Variants in KCTD3 observed in about 807,000 individuals in gnomAD.
KCTD3 encodes potassium channel tetramerization domain containing 3.
KCTD3 carries 41 observed loss-of-function variants against 85.8 expected under a neutral mutation model. The ratio of observed to expected loss-of-function variants is 0.48; its 90% CI spans 0.37 to 0.62. KCTD3 has a LOEUF of 0.62. Among genes scored for constraint, KCTD3 ranks in the 20% least tolerant of loss-of-function variants. KCTD3 has a pLI of 0.00. For missense variants in KCTD3, 724 were observed against 989.9 expected, an observed-to-expected ratio of 0.73 and a Z score of 3.60; for synonymous variants, 338 against 345.4, an observed-to-expected ratio of 0.98 and a Z score of 0.24.
Position 215,620,843 on chromosome 1 carries a change from T to C in KCTD3, c.*225T>C, listed in dbSNP as rs559670876. ...ACAAGTACATTTAACAGATCATTTA[T>C]AAAGCAGGAGTCCATTTTAACACTT... On this transcript the variant is annotated 3_prime_UTR_variant, in exon 18 of 18. Transcript: ENST00000259154. 18 of 469,120 alleles carry C rather than the reference T, an allele frequency of 3.8e-5. No individual in the cohort carries two copies. The South Asian group carries it at 9.1e-4, about 24-fold the overall frequency. 29.1% of individuals were successfully genotyped at this position (469,120 alleles called of 1,614,324 possible).
At chr1:215,618,689 A>G (rs1655548612) in intron 15 of KCTD3, 197 bp from the exon 16 acceptor site, 2 of 498,672 alleles carry the variant, frequency 4.0e-6, no homozygotes, top group Non-Finnish European at 3.5e-6. Flanking sequence ...TGGATACAAT[A>G]TGGGCCATCT....
At chr1:215,609,482 T>C (rs1374698286) in intron 14 of KCTD3, among the ~76,000 whole-genome samples, 1 of 151,986 alleles carries the variant, frequency 6.6e-6, no homozygotes, top group Admixed American at 6.6e-5. Context: ...ATTTAGATTT[T>C]ATCTTGTAAG....
Position 215,620,804 on chromosome 1 carries a change from A to T in KCTD3, c.*186A>T, listed in dbSNP as rs1450901139. 3 of 508,706 alleles carry T rather than the reference A, an allele frequency of 5.9e-6. No individual in the cohort carries two copies. The highest frequency in any genetic ancestry group is 3.1e-5 in the East Asian group (1 of 31,868). 31.5% of individuals were successfully genotyped at this position (508,706 alleles called of 1,614,324 possible). A position where few individuals can be genotyped will look rare whatever the true frequency, so the allele number is the denominator to read the frequency against. ...TCATATCTCTTTTGACATTTTGGAA[A>T]TTTTTTTAATTTTACAAGTACATTT... is the stretch of plus-strand genomic sequence containing the variant. On this transcript the variant is annotated 3_prime_UTR_variant, in exon 18 of 18. Transcript: ENST00000259154.
In KCTD3 at chr1:215,575,789, A is replaced by C. The variant is rs1659551789; in HGVS notation, c.184-112A>C. The C allele has an allele frequency of 5.0e-6, 3 of 601,762 alleles. No individual in the cohort carries two copies. The Admixed American group carries it at 1.1e-4, about 22-fold the overall frequency. 37.3% of individuals were successfully genotyped at this position (601,762 alleles called of 1,614,324 possible). ...AACATTAAAGTTTAAGAGTGGAAACAAGGAAATGTAGTATTTAAGTAATTA... is the reference window on the plus strand; with the variant it reads ...AACATTAAAGTTTAAGAGTGGAAACCAGGAAATGTAGTATTTAAGTAATTA... On this transcript the variant is annotated intron_variant, in intron 3 of 17. Coordinates refer to ENST00000259154, the MANE Select transcript of KCTD3 (RefSeq NM_016121.5).
intron 3 of KCTD3, among the ~76,000 whole-genome samples, chr1:215,575,321 T>G (rs996865988): frequency 6.6e-6 from 1 of 152,076 alleles, no homozygotes; most frequent in Non-Finnish European, 1.5e-5. Flanking sequence ...TTTCCTCTTA[T>G]GTATTCTGTG....
chr1:215,609,768 C>T (rs1406107455), intron 14 of KCTD3, among the ~76,000 whole-genome samples: 1 of 151,796 alleles, frequency 6.6e-6, no homozygotes, highest in Non-Finnish European at 1.5e-5. Context: ...GGAAGAAGAA[C>T]TTATTTTGAA....
At chr1:215,618,435 G>A (rs1655536941) in intron 15 of KCTD3, 1 of 164,026 alleles carries the variant, frequency 6.1e-6, no homozygotes, top group South Asian at 1.7e-4. Context: ...TGCCTATACT[G>A]ATTTTTCTTT....
intron 4 of KCTD3, 62 bp downstream of exon 4, chr1:215,576,036 T>C: frequency 1.1e-6 from 1 of 901,410 alleles, no homozygotes; most frequent in Non-Finnish European, 1.7e-6. Context: ...TTAATATGTT[T>C]TATGAAATAA....
chr1:215,586,756 C>T, intron 9 of KCTD3, 71 bp downstream of exon 9: 1 of 1,270,156 alleles, frequency 7.9e-7, no homozygotes, highest in South Asian at 1.5e-5. Flanking sequence ...GAGATTGACA[C>T]TGAATATGAA....
In KCTD3 at chr1:215,586,480, G is replaced by A. The variant is rs763569339; in HGVS notation, c.627-15G>A. 2 of 1,597,606 alleles carry A rather than the reference G, an allele frequency of 1.3e-6. No homozygotes were observed. The highest frequency in any genetic ancestry group is 1.7e-6 in the Non-Finnish European group (2 of 1,169,930). On this transcript the variant is annotated splice_polypyrimidine_tract_variant and intron_variant, in intron 8 of 17. Transcript: ENST00000259154. ...GCTGCTGAGTCTACCTTATGTGCCT[G>A]TTCTTCCTTAACAGAATCAAAGAAT...
At chr1:215,591,334 CCT>C (rs1660205500) in intron 9 of KCTD3, among the ~76,000 whole-genome samples, 1 of 148,818 alleles carries the variant, frequency 6.7e-6, no homozygotes, top group East Asian at 2.0e-4. Context: ...TTCCTTCCTT[CCT>C]TCCTTCCTTC....
chr1:215,571,405 A>G (rs963933256), intron 1 of KCTD3, among the ~76,000 whole-genome samples: 1 of 152,206 alleles, frequency 6.6e-6, no homozygotes. Context: ...TGTTAATCAG[A>G]TAAATGGGCG....
At position 215,601,971 on chromosome 1, in the gene KCTD3, T is replaced by C. The variant is rs750043610; in HGVS notation, c.1021+17T>C. 1 of 1,505,698 alleles carries C rather than the reference T, an allele frequency of 6.6e-7. No individual in the cohort carries two copies. Among genetic ancestry groups the C allele is most frequent in the Non-Finnish European group, 9.2e-7 (1 of 1,085,966 alleles). 93.3% of individuals were successfully genotyped at this position (1,505,698 alleles called of 1,614,324 possible). On this transcript the variant is annotated intron_variant, in intron 11 of 17. Coordinates refer to ENST00000259154, the MANE Select transcript of KCTD3 (RefSeq NM_016121.5). The stretch of plus-strand genomic sequence containing the variant: ...ATTACATAGGTAAGTGTTCAGTCAC[T>C]TAAAATGCTCCTGCTTAATGTAATT...
At chr1:215,587,906 G>A (rs72739257) in intron 9 of KCTD3, among the ~76,000 whole-genome samples, 1,626 of 152,186 alleles carry the variant, frequency 0.011, 12 homozygotes, top group South Asian at 0.02. Flanking sequence ...GGTTTGCTGA[G>A]TTATGTAGAT....
At chr1:215,575,526 G>GT (rs1336967084) in intron 3 of KCTD3, among the ~76,000 whole-genome samples, 6 of 152,216 alleles carry the variant, frequency 3.9e-5, no homozygotes, top group Admixed American at 2.6e-4. Flanking sequence ...GTATAAGAAA[G>GT]TATTATTTAT....
chr1:215,580,223 C>G (rs1027206390), intron 8 of KCTD3, among the ~76,000 whole-genome samples: 10 of 152,072 alleles, frequency 6.6e-5, no homozygotes, highest in Non-Finnish European at 1.3e-4. Context: ...AAACATTTAG[C>G]AGACAAGTGT....
chr1:215,591,974 G>A (rs953639618), intron 9 of KCTD3, among the ~76,000 whole-genome samples: 2 of 152,208 alleles, frequency 1.3e-5, no homozygotes, highest in Non-Finnish European at 1.5e-5. Context: ...CATGGCAGAA[G>A]GCAAGGAGGA....
chr1:215,573,026 C>T (rs907473626), intron 1 of KCTD3, among the ~76,000 whole-genome samples: 1 of 152,106 alleles, frequency 6.6e-6, no homozygotes, highest in Admixed American at 6.5e-5. Context: ...TTGTCCCAGT[C>T]TATTATACTG....
chr1:215,607,548 A>G (rs1340200525), intron 13 of KCTD3, among the ~76,000 whole-genome samples: 2 of 152,058 alleles, frequency 1.3e-5, no homozygotes, highest in African/African-American at 4.8e-5. Context: ...TGAGTTGGCA[A>G]TAAATAGCTG....
Sources: allele counts gnomAD v4.1 joint callset (sites outside exome capture counted in the v4.1 genomes callset), GRCh38; gene constraint gnomAD v4.1.1; transcripts MANE v1.5; gene names NCBI Gene and HGNC (gene_info 2026-07-23, HGNC 2026-07-21).